The following MACROD2 variants were observed in gnomAD, a reference collection of about 807,000 sequenced individuals.
The protein encoded by MACROD2 is ADP-ribose glycohydrolase MACROD2.
Under a neutral mutation model 70.4 loss-of-function variants are expected in MACROD2, and 36 were observed. The observed-to-expected ratio is 0.51, with a 90% confidence interval of 0.39 to 0.68. The LOEUF is 0.68. Ranked by LOEUF, MACROD2 falls within the 30% of genes least tolerant of loss-of-function variation. MACROD2 has a pLI of 0.00. For synonymous variants in MACROD2, 172 were observed against 178.8 expected, an observed-to-expected ratio of 0.96 and a Z score of 0.30; for missense variants, 496 against 538.4, an observed-to-expected ratio of 0.92 and a Z score of 0.78.
At chr20:14,970,957 A>G (rs1207366139) in intron 5 of MACROD2, among the ~76,000 whole-genome samples, 2 of 152,188 alleles carry the variant, frequency 1.3e-5, no homozygotes, top group African/African-American at 2.4e-5. Flanking sequence ...ACTCTTAGCT[A>G]TGATACTTAC....
intron 3 of MACROD2, among the ~76,000 whole-genome samples, chr20:14,149,068 C>T (rs1393824567): frequency 6.6e-6 from 1 of 152,048 alleles, no homozygotes; most frequent in African/African-American, 2.4e-5. Context: ...GCAACTGATT[C>T]TGTCAACAAG....
intron 4 of MACROD2, among the ~76,000 whole-genome samples, chr20:14,554,605 G>GT (rs1978899602): frequency 6.6e-6 from 1 of 152,090 alleles, no homozygotes; most frequent in South Asian, 2.1e-4. Context: ...CTACCCTCCA[G>GT]TTTTCAGAGA....
At chr20:14,721,940 A>T (rs1408559796) in intron 5 of MACROD2, among the ~76,000 whole-genome samples, 1 of 152,170 alleles carries the variant, frequency 6.6e-6, no homozygotes, top group Non-Finnish European at 1.5e-5. Context: ...ACTTAGGCCC[A>T]TGACAGACTA....
chr20:15,673,988 G>A (rs972158510), intron 8 of MACROD2, among the ~76,000 whole-genome samples: 1 of 152,164 alleles, frequency 6.6e-6, no homozygotes, highest in Non-Finnish European at 1.5e-5. Context: ...GTATTGAAAT[G>A]TAAAGGAGTG....
At chr20:15,196,321 C>A (rs1026646821) in intron 5 of MACROD2, among the ~76,000 whole-genome samples, 1 of 149,980 alleles carries the variant, frequency 6.7e-6, no homozygotes, top group South Asian at 2.1e-4. Context: ...ACAAATATAA[C>A]AAGAACATAC....
intron 2 of MACROD2, among the ~76,000 whole-genome samples, chr20:14,020,412 G>T (rs2053058905): frequency 6.6e-6 from 1 of 152,164 alleles, no homozygotes; most frequent in Admixed American, 6.5e-5. Context: ...GGTGGTGGCT[G>T]CAGTGAGCCG....
intron 4 of MACROD2, among the ~76,000 whole-genome samples, chr20:14,657,011 A>T (rs1986010097): frequency 6.6e-6 from 1 of 152,146 alleles, no homozygotes; most frequent in South Asian, 2.1e-4. Flanking sequence ...TCTCCCACAC[A>T]TACCTATGCA....
rs571886803 is a variant in MACROD2, at chr20:15,067,585, AG to A, written c.419-162354del. On this transcript the variant is annotated intron_variant, in intron 5 of 17. Coordinates refer to ENST00000684519, the MANE Select transcript of MACROD2 (RefSeq NM_001351661.2). ...GGCTGGTCTCCAACTCCTGATCTCA[AG>A]TGATCCACCTGCCTCAGCCTCCCAA... 4.5e-4 allele frequency among the ~76,000 whole-genome samples: 68 copies of A among 152,200 alleles called. No homozygotes were observed. The Middle Eastern group carries it at 0.01, about 23-fold the overall frequency.
At chr20:15,045,716 AG>A (rs1294985875) in intron 5 of MACROD2, among the ~76,000 whole-genome samples, 2 of 107,474 alleles carry the variant, frequency 1.9e-5, no homozygotes, top group African/African-American at 3.3e-5. Context: ...TCTCCAGACC[AG>A]GGTTTTTTTT....
intron 17 of MACROD2, among the ~76,000 whole-genome samples, chr20:16,049,525 C>T (rs995407013): frequency 6.6e-6 from 1 of 152,152 alleles, no homozygotes; most frequent in African/African-American, 2.4e-5. Flanking sequence ...AGGGAAGCCA[C>T]ATCAACTCAG....
intron 5 of MACROD2, among the ~76,000 whole-genome samples, chr20:14,842,151 C>T (rs1043770623): frequency 1.3e-5 from 2 of 152,030 alleles, no homozygotes; most frequent in East Asian, 1.9e-4. Context: ...CGAGACCGAC[C>T]GTTCTCTAGA....
intron 5 of MACROD2, among the ~76,000 whole-genome samples, chr20:14,692,786 T>C (rs1177883001): frequency 1.3e-5 from 2 of 152,226 alleles, no homozygotes; most frequent in Non-Finnish European, 2.9e-5. Flanking sequence ...CTTTGCTTAA[T>C]GTATCCACAT....
At chr20:15,632,297 T>G (rs1433857367) in intron 8 of MACROD2, among the ~76,000 whole-genome samples, 1 of 152,216 alleles carries the variant, frequency 6.6e-6, no homozygotes, top group Non-Finnish European at 1.5e-5. Flanking sequence ...CAATTCAGTT[T>G]ATTGTAAACA....
chr20:14,507,644 G>A (rs2084984057), intron 4 of MACROD2, among the ~76,000 whole-genome samples: 1 of 152,114 alleles, frequency 6.6e-6, no homozygotes, highest in Non-Finnish European at 1.5e-5. Flanking sequence ...ATATTATATT[G>A]CCATTTTAAA....
intron 6 of MACROD2, among the ~76,000 whole-genome samples, chr20:15,327,742 A>G (rs899084374): frequency 7.9e-5 from 12 of 151,938 alleles, no homozygotes; most frequent in Admixed American, 3.3e-4. Context: ...TTTCTCATAC[A>G]CCAGCATGCC....
rs111418082 is a variant in MACROD2, at chr20:15,350,854, T to C, written c.541-80551T>C. On this transcript the variant is annotated intron_variant, in intron 6 of 17. Coordinates refer to ENST00000684519, the MANE Select transcript of MACROD2 (RefSeq NM_001351661.2). ...GATTATTATTCTTTACATTTCTCCC[T>C]TGAACTAATTAACTGGTAACTTAAT... 6.6e-3 allele frequency among the ~76,000 whole-genome samples: 1,008 copies of C among 152,296 alleles called. 5 individuals are homozygous for C. Among genetic ancestry groups the C allele is most frequent in the Non-Finnish European group, 0.012 (787 of 68,028 alleles).
At chr20:14,593,105 A>G (rs1216062148) in intron 4 of MACROD2, among the ~76,000 whole-genome samples, 1 of 152,200 alleles carries the variant, frequency 6.6e-6, no homozygotes, top group Non-Finnish European at 1.5e-5. Flanking sequence ...GTATTTTTCT[A>G]CCATAGCAGT....
At chr20:15,906,262 C>A (rs1482128740) in intron 10 of MACROD2, among the ~76,000 whole-genome samples, 2 of 152,234 alleles carry the variant, frequency 1.3e-5, no homozygotes, top group Admixed American at 1.3e-4. Flanking sequence ...CAACCCTTCA[C>A]CAAATCAGAA....
chr20:14,549,709 C>T (rs1295073989), intron 4 of MACROD2, among the ~76,000 whole-genome samples: 1 of 151,912 alleles, frequency 6.6e-6, no homozygotes, highest in East Asian at 1.9e-4. Context: ...AGGTATTTAT[C>T]TTATGTCAGT....
Sources: allele counts gnomAD v4.1 joint callset (sites outside exome capture counted in the v4.1 genomes callset), GRCh38; gene constraint gnomAD v4.1.1; transcripts MANE v1.5; gene names NCBI Gene and HGNC (gene_info 2026-07-23, HGNC 2026-07-21).